MAGI1: variants seen among roughly 807,000 people sequenced by gnomAD.
MAGI1 encodes membrane-associated guanylate kinase, WW and PDZ domain-containing protein 1.
In MAGI1, 58 loss-of-function variants were observed where a neutral mutation model predicts 139.9. That is an observed-to-expected ratio of 0.41 (90% confidence interval 0.34 to 0.52). The LOEUF (loss-of-function observed/expected upper bound fraction) is 0.52, where lower values mean the gene tolerates loss of function less well. Among genes scored for constraint, MAGI1 ranks in the 20% least tolerant of loss-of-function variants. The pLI, the probability that MAGI1 is intolerant of heterozygous loss-of-function variation, is 0.12. For missense variants in MAGI1, 1,874 were observed against 1,901.6 expected, an observed-to-expected ratio of 0.99 and a Z score of 0.27; for synonymous variants, 812 against 737.9, an observed-to-expected ratio of 1.10 and a Z score of -1.63.
chr3:65,954,678 C>T (rs1489606160), intron 1 of MAGI1: 1 of 152,132 alleles, frequency 6.6e-6, no homozygotes, highest in African/African-American at 2.4e-5. Flanking sequence ...CTCTGGACTA[C>T]ACAGCCTCGC....
intron 1 of MAGI1, among the ~76,000 whole-genome samples, chr3:65,860,631 A>G (rs2059525316): frequency 6.6e-6 from 1 of 152,196 alleles, no homozygotes; most frequent in Admixed American, 6.5e-5. Context: ...TGCCAGAGAA[A>G]GGTCCCCTAG....
At chr3:65,715,240 C>G (rs1282102875) in intron 1 of MAGI1, among the ~76,000 whole-genome samples, 1 of 152,200 alleles carries the variant, frequency 6.6e-6, no homozygotes, top group African/African-American at 2.4e-5. Context: ...TAACAATTTT[C>G]TGCATCCCAA....
chr3:65,745,362 C>A (rs2035615087), intron 1 of MAGI1, among the ~76,000 whole-genome samples: 3 of 152,138 alleles, frequency 2.0e-5, no homozygotes, highest in Admixed American at 2.0e-4. Context: ...GTAAGTCAGA[C>A]TGCACCTCTG....
chr3:65,593,746 T>G (rs55646177), intron 2 of MAGI1, among the ~76,000 whole-genome samples: 56,524 of 152,010 alleles, frequency 0.37, 11,899 homozygotes, highest in East Asian at 0.66. Flanking sequence ...CTGCTAAGCA[T>G]TGTGCTTACG....
At chr3:66,017,987 T>C (rs908116534) in intron 1 of MAGI1, among the ~76,000 whole-genome samples, 9 of 152,112 alleles carry the variant, frequency 5.9e-5, no homozygotes, top group African/African-American at 2.2e-4. Context: ...TATCTGTAAA[T>C]TGCTTTGTCT....
intron 2 of MAGI1, among the ~76,000 whole-genome samples, chr3:65,522,396 A>C (rs1349923231): frequency 6.6e-6 from 1 of 152,124 alleles, no homozygotes; most frequent in Non-Finnish European, 1.5e-5. Context: ...TAGGTAACTT[A>C]CTTGGGTTTT....
At position 65,890,295 on chromosome 3, in the gene MAGI1, G is replaced by A. The variant is rs2060695608; in HGVS notation, c.313+147701C>T. 2.6e-5 allele frequency among the ~76,000 whole-genome samples: 4 copies of A among 152,200 alleles called. No individual in the cohort carries two copies. In the South Asian group the frequency reaches 8.3e-4, roughly 31 times the overall value. On this transcript the variant is annotated intron_variant, in intron 1 of 22. Transcript: ENST00000402939. ...CAGGAGAATGGCGTCAACCCAGGAG[G>A]CGGAGCTTGCAGTGAGCAGAGATAG...
intron 2 of MAGI1, among the ~76,000 whole-genome samples, chr3:65,572,352 A>C (rs1009876792): frequency 2.0e-5 from 3 of 152,156 alleles, no homozygotes; most frequent in Admixed American, 1.3e-4. Flanking sequence ...GTAAATGTAA[A>C]CACCAGGAAC....
At chr3:65,876,768 G>C (rs1408737523) in intron 1 of MAGI1, among the ~76,000 whole-genome samples, 1 of 142,610 alleles carries the variant, frequency 7.0e-6, no homozygotes, top group Non-Finnish European at 1.5e-5. Flanking sequence ...TTTTGAGACA[G>C]AGTCTTGCTC....
chr3:65,380,181 A>G (rs1449470479), intron 16 of MAGI1, among the ~76,000 whole-genome samples: 1 of 152,208 alleles, frequency 6.6e-6, no homozygotes, highest in Non-Finnish European at 1.5e-5. Context: ...TTCTGAATTT[A>G]GTCACCGTTC....
rs138894549 is a variant in MAGI1, at chr3:65,799,637, G to T, written c.314-177549C>A. On this transcript the variant is annotated intron_variant, in intron 1 of 22. Coordinates refer to ENST00000402939, the MANE Select transcript of MAGI1 (RefSeq NM_001033057.2). ...AGAATTTGGTACTATTCCATGGTTT[G>T]AGGCATCCACTGGGGGTCTTGGAAG... Among the ~76,000 whole-genome samples the T allele has an allele frequency of 3.8e-3, 585 of 152,274 alleles. 10 individuals are homozygous for T. Among genetic ancestry groups the T allele is most frequent in the Admixed American group, 0.03 (458 of 15,288 alleles).
intron 2 of MAGI1, among the ~76,000 whole-genome samples, chr3:65,551,258 T>C (rs1181272970): frequency 6.6e-6 from 1 of 152,148 alleles, no homozygotes; most frequent in Non-Finnish European, 1.5e-5. Flanking sequence ...TCCTGAGGAC[T>C]CCCCAGCCAT....
At chr3:65,372,530 G>GC (rs778166775) in intron 18 of MAGI1, among the ~76,000 whole-genome samples, 6 of 152,192 alleles carry the variant, frequency 3.9e-5, no homozygotes, top group Non-Finnish European at 7.3e-5. Context: ...GTCATCAGCT[G>GC]CATTAGCCCC....
chr3:65,523,017 T>C (rs1004437173), intron 2 of MAGI1, among the ~76,000 whole-genome samples: 1 of 152,124 alleles, frequency 6.6e-6, no homozygotes, highest in Non-Finnish European at 1.5e-5. Flanking sequence ...ATTCATTCCT[T>C]TCCCACACTT....
chr3:65,740,856 A>T, intron 1 of MAGI1, among the ~76,000 whole-genome samples: 1 of 152,256 alleles, frequency 6.6e-6, no homozygotes, highest in East Asian at 1.9e-4. Flanking sequence ...TTGTATGCAC[A>T]CATCCACAAA....
chr3:66,000,096 C>T (rs2066664474), intron 1 of MAGI1, among the ~76,000 whole-genome samples: 1 of 151,540 alleles, frequency 6.6e-6, no homozygotes, highest in Non-Finnish European at 1.5e-5. Flanking sequence ...CCTCAGCCTC[C>T]CGAGCAGCTG....
At chr3:65,835,830 C>T (rs932586923) in intron 1 of MAGI1, among the ~76,000 whole-genome samples, 8 of 152,136 alleles carry the variant, frequency 5.3e-5, no homozygotes, top group Non-Finnish European at 8.8e-5. Context: ...TAGACTCTCC[C>T]GCCCTGTGCT....
At chr3:65,442,686 T>C (rs2107438728) in intron 8 of MAGI1, 106 bp downstream of exon 8, 1 of 689,240 alleles carries the variant, frequency 1.5e-6, no homozygotes, top group East Asian at 2.6e-5. Flanking sequence ...AAATTAATAT[T>C]GTTAATTGGT....
chr3:65,897,773 G>A (rs1037638469), intron 1 of MAGI1, among the ~76,000 whole-genome samples: 3 of 151,880 alleles, frequency 2.0e-5, no homozygotes, highest in African/African-American at 7.2e-5. Flanking sequence ...TGAAGTGGGA[G>A]GATCACTTAA....
Sources: gnomAD v4.1 joint callset for allele counts (sites outside exome capture counted in the v4.1 genomes callset) on GRCh38, gnomAD v4.1.1 for gene constraint, MANE v1.5 for transcripts, NCBI Gene and HGNC (gene_info 2026-07-23, HGNC 2026-07-21) for gene names.